Variants in PPARGC1A observed in about 807,000 individuals in gnomAD.
The protein encoded by PPARGC1A is PPARG coactivator 1 alpha.
PPARGC1A carries 25 observed loss-of-function variants against 88.7 expected under a neutral mutation model. That is an observed-to-expected ratio of 0.28 (90% CI 0.21 to 0.39). The LOEUF (loss-of-function observed/expected upper bound fraction) is 0.39, where lower values mean the gene tolerates loss of function less well. Ranked by LOEUF, PPARGC1A falls within the 10% of genes least tolerant of loss-of-function variation. PPARGC1A has a pLI of 1.00. For synonymous variants in PPARGC1A, 363 were observed against 355.6 expected (o/e 1.02, Z -0.24); for missense variants, 880 against 968.7 (o/e 0.91, Z 1.22).
Position 23,884,944 on chromosome 4 carries a change from G to GA in PPARGC1A, c.55-14dup, listed in dbSNP as rs760657208. Reference sequence around the variant, plus strand: ...CCAGAGCAGCACACTGCAGGAGGCAGAAAAAAAAAATTTAAAAAAGCTTCC... The same window carrying GA: ...CCAGAGCAGCACACTGCAGGAGGCAGAAAAAAAAAAATTTAAAAAAGCTTCC... On this transcript the variant is annotated splice_polypyrimidine_tract_variant and intron_variant, in intron 1 of 12. Transcript: ENST00000264867. 5,193 of 1,433,714 alleles carry GA rather than the reference G, an allele frequency of 3.6e-3. 1 individual carries two copies. Among genetic ancestry groups the GA allele is most frequent in the South Asian group, 0.01 (722 of 71,598 alleles). The allele number at this position is 1,433,714 out of a possible 1,614,324, so 88.8% of individuals were successfully genotyped here. A position where few individuals can be genotyped will look rare whatever the true frequency, so the allele number is the denominator to read the frequency against.
the PPARGC1A span, among the ~76,000 whole-genome samples, chr4:24,315,593 G>A: frequency 3.5e-4 from 53 of 152,268 alleles, no homozygotes; most frequent in Admixed American, 1.8e-3. Context: ...TGACCCTATA[G>A]CAGTGGTTTT....
chr4:23,935,440 C>T, the PPARGC1A span, among the ~76,000 whole-genome samples: 9 of 152,316 alleles, frequency 5.9e-5, no homozygotes, highest in African/African-American at 1.9e-4. Context: ...TTCTGGTTCA[C>T]AGGTACTTTT....
chr4:24,329,645 TAAGATCATTAAGA>T, the PPARGC1A span, among the ~76,000 whole-genome samples: 1 of 152,206 alleles, frequency 6.6e-6, no homozygotes, highest in African/African-American at 2.4e-5. Context: ...TCTGGGATCA[TAAGATCATTAAGA>T]ACTTCATTAC....
intron 8 of PPARGC1A, among the ~76,000 whole-genome samples, chr4:23,813,349 C>A (rs1721303237): frequency 6.6e-6 from 1 of 152,170 alleles, no homozygotes; most frequent in African/African-American, 2.4e-5. Context: ...TAACACTGAG[C>A]ACCAGGTCTG....
chr4:24,199,369 C>T, the PPARGC1A span, among the ~76,000 whole-genome samples: 1 of 151,946 alleles, frequency 6.6e-6, no homozygotes, highest in Non-Finnish European at 1.5e-5. Flanking sequence ...TAGAAACAGC[C>T]ACAGAAAATA....
At chr4:24,342,643 T>C in the PPARGC1A span, among the ~76,000 whole-genome samples, 2 of 152,236 alleles carry the variant, frequency 1.3e-5, no homozygotes, top group Non-Finnish European at 2.9e-5. Context: ...CATTAAGCTA[T>C]GGTAAAATTG....
At chr4:23,886,834 G>A (rs1489593564) in intron 1 of PPARGC1A, among the ~76,000 whole-genome samples, 1 of 142,730 alleles carries the variant, frequency 7.0e-6, no homozygotes, top group Non-Finnish European at 1.5e-5. Context: ...GATACACTAG[G>A]ATTTTATAGG....
chr4:24,114,917 A>T, the PPARGC1A span, among the ~76,000 whole-genome samples: 1 of 145,608 alleles, frequency 6.9e-6, no homozygotes, highest in African/African-American at 2.6e-5. Context: ...CTGTGGATTA[A>T]TTACCTTTTC....
intron 5 of PPARGC1A, 29 bp from the exon 6 acceptor site, chr4:23,824,537 G>A: frequency 2.6e-6 from 4 of 1,526,658 alleles, no homozygotes; most frequent in Non-Finnish European, 3.6e-6. Flanking sequence ...AACTAATTAT[G>A]TAATATTGAG....
At chr4:24,293,876 C>CATCT in the PPARGC1A span, among the ~76,000 whole-genome samples, 1 of 152,050 alleles carries the variant, frequency 6.6e-6, no homozygotes, top group Non-Finnish European at 1.5e-5. Context: ...ATATTTTCTC[C>CATCT]ATCTCTTCCC....
At chr4:24,041,503 C>T in the PPARGC1A span, among the ~76,000 whole-genome samples, 1 of 152,174 alleles carries the variant, frequency 6.6e-6, no homozygotes, top group Non-Finnish European at 1.5e-5. Flanking sequence ...CTTCCCATAT[C>T]TCGAAAATAG....
the PPARGC1A span, among the ~76,000 whole-genome samples, chr4:24,263,972 AC>A: frequency 1.3e-5 from 2 of 151,486 alleles, no homozygotes; most frequent in Non-Finnish European, 2.9e-5. Flanking sequence ...CTGATCTTGT[AC>A]CCCCCGGGCT....
At chr4:24,422,404 T>C in the PPARGC1A span, among the ~76,000 whole-genome samples, 2 of 152,236 alleles carry the variant, frequency 1.3e-5, no homozygotes, top group Non-Finnish European at 2.9e-5. Flanking sequence ...CACAATACAG[T>C]CTAAAGCTGA....
chr4:24,472,206 A>AG, the PPARGC1A span, among the ~76,000 whole-genome samples: 3 of 152,082 alleles, frequency 2.0e-5, no homozygotes, highest in South Asian at 4.1e-4. This position sits in a 1 kb window ranked among gnomAD's most constrained non-coding sequence, Gnocchi z 4.5. Context: ...CGATGGGGGA[A>AG]GGGGGGGTAT....
chr4:24,050,098 T>G, the PPARGC1A span, among the ~76,000 whole-genome samples: 1 of 152,162 alleles, frequency 6.6e-6, no homozygotes, highest in Non-Finnish European at 1.5e-5. Context: ...CCTGTTGGCT[T>G]TTTAAGAACA....
the PPARGC1A span, among the ~76,000 whole-genome samples, chr4:24,250,950 A>G: frequency 6.6e-6 from 1 of 152,310 alleles, no homozygotes; most frequent in African/African-American, 2.4e-5. Flanking sequence ...CTGTCCCAGA[A>G]CTTCCCAGGC....
chr4:24,250,338 G>A, the PPARGC1A span, among the ~76,000 whole-genome samples: 25 of 152,318 alleles, frequency 1.6e-4, 1 homozygote, highest in African/African-American at 5.1e-4. Context: ...TAAGTTGATA[G>A]GAAGGTAAAT....
the PPARGC1A span, among the ~76,000 whole-genome samples, chr4:24,428,344 C>T: frequency 2.0e-5 from 3 of 151,820 alleles, no homozygotes; most frequent in Non-Finnish European, 2.9e-5. Flanking sequence ...TCTTCTTTCC[C>T]TCTCTCTCTC....
the PPARGC1A span, among the ~76,000 whole-genome samples, chr4:24,051,381 A>G: frequency 2.0e-5 from 3 of 152,174 alleles, no homozygotes; most frequent in African/African-American, 7.2e-5. Flanking sequence ...ATATTCTATC[A>G]TAAGTGATAT....
Sources: gnomAD v4.1 joint callset for allele counts (sites outside exome capture counted in the v4.1 genomes callset) on GRCh38, gnomAD v4.1.1 for gene constraint, Gnocchi (gnomAD v3.1) non-coding constraint, MANE v1.5 for transcripts, NCBI Gene and HGNC (gene_info 2026-07-23, HGNC 2026-07-21) for gene names.